Variants in ARID1A observed in about 807,000 individuals in gnomAD.
ARID1A encodes AT-rich interaction domain 1A, also known as AT-rich interactive domain-containing protein 1A.
A neutral mutation model predicts 212.6 loss-of-function variants in ARID1A; 20 were observed. That is an observed-to-expected ratio of 0.09 (90% CI 0.07 to 0.14). The LOEUF is 0.14. ARID1A is among the 10% of genes least tolerant of loss of function. The pLI, the probability that ARID1A is intolerant of heterozygous loss-of-function variation, is 1.00. For missense variants in ARID1A, 2,587 were observed against 3,059.0 expected, an observed-to-expected ratio of 0.85 and a Z score of 3.64; for synonymous variants, 1,376 against 1,222.1, an observed-to-expected ratio of 1.13 and a Z score of -2.63.
intron 2 of ARID1A, 45 bp downstream of exon 2, chr1:26,729,908 A>G: frequency 1.3e-6 from 2 of 1,589,836 alleles, no homozygotes; most frequent in Non-Finnish European, 1.7e-6. Flanking sequence ...GCTGTCCAAA[A>G]TCTGATCTGT....
At chr1:26,705,460 C>CG (rs2080380885) in intron 1 of ARID1A, among the ~76,000 whole-genome samples, 1 of 150,822 alleles carries the variant, frequency 6.6e-6, no homozygotes, top group Non-Finnish European at 1.5e-5. Context: ...TTCCCCCCCC[C>CG]TCAAGTAATG....
intron 4 of ARID1A, among the ~76,000 whole-genome samples, chr1:26,756,133 CA>C (rs1170372771): frequency 6.6e-6 from 1 of 151,992 alleles, no homozygotes; most frequent in African/African-American, 2.4e-5. Flanking sequence ...ACACCAAGGC[CA>C]GGGGCAGTGG....
chr1:26,733,002 T>G (rs533210080), intron 4 of ARID1A, among the ~76,000 whole-genome samples: 17 of 152,222 alleles, frequency 1.1e-4, no homozygotes, highest in Non-Finnish European at 1.9e-4. Flanking sequence ...TGTTTTTGTC[T>G]TTTTAAGTCT....
chr1:26,776,233 TC>T (rs1030949058), intron 19 of ARID1A, among the ~76,000 whole-genome samples: 11 of 151,818 alleles, frequency 7.2e-5, no homozygotes, highest in Non-Finnish European at 1.6e-4. Context: ...ATCCCAGTTT[TC>T]CTTAGATGTA....
chr1:26,736,953 T>C (rs1221053137), intron 4 of ARID1A, among the ~76,000 whole-genome samples: 1 of 144,296 alleles, frequency 6.9e-6, no homozygotes, highest in East Asian at 2.0e-4. Context: ...CTACAAAAAC[T>C]ATAAAGAACA....
At position 26,774,639 on chromosome 1, in the gene ARID1A, A is replaced by C. The variant is rs779806180; in HGVS notation, c.4412A>C (p.Asn1471Thr). 6.2e-7 allele frequency: 1 copy of C among 1,614,170 alleles called. No homozygotes were observed. The highest frequency in any genetic ancestry group is 8.5e-7 in the Non-Finnish European group (1 of 1,180,008). ...CGTGTCTCTGCACCCCCTGGCACCAATGCCCAGCAAAACATGCCACCACAA... is the reference window on the plus strand; with the variant it reads ...CGTGTCTCTGCACCCCCTGGCACCACTGCCCAGCAAAACATGCCACCACAA... ...RDRVSAPPGT[N>T]AQQNMPPQMM... The change falls in exon 18 of 20, where the codon AAT becomes ACT. Residue 1471 changes from asparagine to threonine, a missense_variant. Transcript: ENST00000324856. The surrounding 1 kb of genome is among the most constrained non-coding windows in gnomAD (Gnocchi z 5.6).
chr1:26,759,909 A>G (rs1251835054), intron 4 of ARID1A, among the ~76,000 whole-genome samples: 2 of 152,172 alleles, frequency 1.3e-5, no homozygotes, highest in Non-Finnish European at 2.9e-5. Context: ...TTTCTCATCC[A>G]ATGTCTCTCT....
At position 26,779,996 on chromosome 1, in the gene ARID1A, A is replaced by G. The variant is rs2124145748; in HGVS notation, c.6098A>G (p.Lys2033Arg). ...AAGCAGGCACCACTAACTTATGAAA[A>G]GGAGGAGGAACAGGACCAAGGGGTG... is the stretch of plus-strand genomic sequence containing the variant. ...ERKQAPLTYE[K>R]EEEQDQGVSC... The change falls in exon 20 of 20, where the codon AAG (lysine) becomes AGG (arginine). Residue 2033 changes from lysine (K) to arginine (R), a missense_variant. Coordinates refer to ENST00000324856, the MANE Select transcript of ARID1A (RefSeq NM_006015.6). 1.2e-6 allele frequency: 2 copies of G among 1,614,134 alleles called. No individual in the cohort carries two copies. The highest frequency in any genetic ancestry group is 1.7e-6 in the Non-Finnish European group (2 of 1,180,004).
intron 1 of ARID1A, among the ~76,000 whole-genome samples, chr1:26,725,768 A>G (rs980191263): frequency 1.3e-5 from 2 of 152,120 alleles, no homozygotes; most frequent in Admixed American, 6.5e-5. Flanking sequence ...GAGAGAGGAA[A>G]AGGTGACTTG....
chr1:26,773,361 C>T lies in ARID1A; in HGVS notation c.3731C>T (p.Pro1244Leu), dbSNP rs2081101315. 1.3e-6 allele frequency: 2 copies of T among 1,593,928 alleles called. No individual in the cohort carries two copies. The highest frequency in any genetic ancestry group is 2.2e-5 in the East Asian group (1 of 44,774). Residue 1244 changes from proline to leucine, a missense_variant, in exon 15 of 20, where the codon CCC becomes CTC. Transcript: ENST00000324856. ...CTACGCTCAGCTCCAGGGAGTGATC[C>T]CTTCATGTCCTCAGGGCAGGGCCCC... ...GSMRKAPGSDPFMSSGQGPNG... is the reference protein window; with the variant it reads ...GSMRKAPGSDLFMSSGQGPNG...
In ARID1A at chr1:26,705,491, A is replaced by G. The variant is rs1041620175; in HGVS notation, c.1137+7951A>G. 2.0e-5 allele frequency among the ~76,000 whole-genome samples: 3 copies of G among 148,446 alleles called. No individual in the cohort carries two copies. The Admixed American group carries it at 2.0e-4, about 10-fold the overall frequency. Reference sequence around the variant, plus strand: ...TAATGGTCCATGACCTGCTGAAAGTACTGGAGTCTTGGATAAACATTCTGG... The same window carrying G: ...TAATGGTCCATGACCTGCTGAAAGTGCTGGAGTCTTGGATAAACATTCTGG... On this transcript the variant is annotated intron_variant, in intron 1 of 19. Coordinates refer to ENST00000324856, the MANE Select transcript of ARID1A (RefSeq NM_006015.6).
At chr1:26,773,311 A>G in intron 14 of ARID1A, 35 bp from the exon 15 acceptor site, 1 of 1,535,998 alleles carries the variant, frequency 6.5e-7, no homozygotes, top group East Asian at 2.3e-5. Context: ...TTGTCAACTT[A>G]CCAGTTTGTT....
chr1:26,754,607 G>A (rs1292274317), intron 4 of ARID1A, among the ~76,000 whole-genome samples: 1 of 152,098 alleles, frequency 6.6e-6, no homozygotes, highest in Non-Finnish European at 1.5e-5. Context: ...TTTGCCTAAG[G>A]TCACAACTGA....
In ARID1A at chr1:26,772,798, TC is replaced by T; in HGVS notation, c.3540-12del. 2.5e-6 allele frequency: 4 copies of T among 1,611,130 alleles called. No homozygotes were observed. Among genetic ancestry groups the T allele is most frequent in the Non-Finnish European group, 3.4e-6 (4 of 1,177,712 alleles). On this transcript the variant is annotated splice_polypyrimidine_tract_variant and intron_variant, in intron 13 of 19. Transcript: ENST00000324856. ...GGTTTATTTGTGGTTTACTTGGTTT[TC>T]CTCACTCTGGAGCAGGAGCAATTCA...
chr1:26,771,394 A>G lies in ARID1A; in HGVS notation c.3406+68A>G, dbSNP rs1469505555. 13 of 1,476,548 alleles carry G rather than the reference A, an allele frequency of 8.8e-6. No homozygotes were observed. The highest frequency in any genetic ancestry group is 1.2e-5 in the South Asian group (1 of 85,860). 91.5% of individuals were successfully genotyped at this position (1,476,548 alleles called of 1,614,324 possible). A position where few individuals can be genotyped will look rare whatever the true frequency, so the allele number is the denominator to read the frequency against. The stretch of plus-strand genomic sequence containing the variant: ...GTTGCCCTGGCCTCTTATTCAGGAT[A>G]TGAATAAGAGGCTTATCCAACAGGA... On this transcript the variant is annotated intron_variant, in intron 12 of 19. Coordinates refer to ENST00000324856, the MANE Select transcript of ARID1A (RefSeq NM_006015.6). The surrounding 1 kb of genome is among the most constrained non-coding windows in gnomAD (Gnocchi z 5.4).
intron 10 of ARID1A, 40 bp from the exon 11 acceptor site, chr1:26,767,750 A>AT (rs751225954): frequency 3.2e-6 from 5 of 1,547,576 alleles, no homozygotes; most frequent in Non-Finnish European, 4.4e-6. Flanking sequence ...CAGGCTTTGA[A>AT]TCTGACCCAT....
chr1:26,725,756 G>A (rs60401377), intron 1 of ARID1A, among the ~76,000 whole-genome samples: 9,054 of 152,026 alleles, frequency 0.06, 330 homozygotes, highest in Non-Finnish European at 0.08. Flanking sequence ...AGGCCTCCGT[G>A]TGAGAGAGGA....
rs1364359608 is a variant in ARID1A at position 26,779,679 on chromosome 1, T to C, written c.5781T>C (p.Ala1927=). 1 of 1,614,066 alleles carries C rather than the reference T, an allele frequency of 6.2e-7. No individual in the cohort carries two copies. Among genetic ancestry groups the C allele is most frequent in the Admixed American group, 1.7e-5 (1 of 60,004 alleles). The change falls in exon 20 of 20, where the codon GCT becomes GCC. Residue 1927 remains alanine, a synonymous_variant. Transcript: ENST00000324856. ...TRSSTLTEDG[A]KSSEAIKESS... Reference sequence around the variant, plus strand: ...CTAGCACCTTGACCGAGGATGGAGCTAAGAGTTCAGAGGCCATCAAGGAGA... The same window carrying C: ...CTAGCACCTTGACCGAGGATGGAGCCAAGAGTTCAGAGGCCATCAAGGAGA...
intron 1 of ARID1A, among the ~76,000 whole-genome samples, chr1:26,724,050 G>T (rs566083939): frequency 3.9e-5 from 6 of 152,024 alleles, no homozygotes; most frequent in African/African-American, 1.4e-4. Flanking sequence ...CAATTAGGGG[G>T]GTTCTTTTGG....
Sources: gnomAD v4.1 joint callset for allele counts (sites outside exome capture counted in the v4.1 genomes callset) on GRCh38, gnomAD v4.1.1 for gene constraint, Gnocchi (gnomAD v3.1) non-coding constraint, MANE v1.5 for transcripts, NCBI Gene and HGNC (gene_info 2026-07-23, HGNC 2026-07-21) for gene names.